CMAS: variants seen among roughly 807,000 people sequenced by gnomAD.
CMAS encodes the protein N-acylneuraminate cytidylyltransferase.
CMAS carries 21 observed loss-of-function variants against 53.4 expected under a neutral mutation model. The ratio of observed to expected loss-of-function variants is 0.39; its 90% confidence interval spans 0.28 to 0.57. CMAS has a LOEUF of 0.57. Ranked by LOEUF, CMAS falls within the 20% of genes least tolerant of loss-of-function variation. The pLI is 0.56. For missense variants in CMAS, 384 were observed against 534.9 expected (o/e 0.72, Z 2.78); for synonymous variants, 189 against 195.2 (o/e 0.97, Z 0.27).
chr12:22,060,916 A>AGAG lies in CMAS; in HGVS notation c.779_781dup (p.Arg260_Val261insGly), dbSNP rs1950305150. The AGAG allele has an allele frequency of 6.3e-7, 1 of 1,583,748 alleles. No homozygotes were observed. Among genetic ancestry groups the AGAG allele is most frequent in the Non-Finnish European group, 8.7e-7 (1 of 1,153,084 alleles). ...TATTGATTGGCCTATTGCAGAGCAA[A>AGAG]GAGTATTAAGGTAAAAACAAATAAA... On this transcript the variant is annotated inframe_insertion, in exon 5 of 8. Transcript: ENST00000229329.
At chr12:22,061,659 T>G (rs976498245) in intron 6 of CMAS, among the ~76,000 whole-genome samples, 3 of 152,310 alleles carry the variant, frequency 2.0e-5, no homozygotes, top group Non-Finnish European at 4.4e-5. Context: ...ATTTCTTGTT[T>G]ATTCAGTAAA....
At chr12:22,061,979 T>TA (rs1025946289) in intron 6 of CMAS, among the ~76,000 whole-genome samples, 209 of 152,256 alleles carry the variant, frequency 1.4e-3, no homozygotes, top group African/African-American at 4.6e-3. Flanking sequence ...AGGAGAATCT[T>TA]AGAGTAGTAT....
At chr12:22,061,635 A>AATC (rs1950309005) in intron 6 of CMAS, among the ~76,000 whole-genome samples, 183 bp downstream of exon 6, 1 of 152,182 alleles carries the variant, frequency 6.6e-6, no homozygotes, top group African/African-American at 2.4e-5. Context: ...GGAATTTGTT[A>AATC]ATCAGCAAAT....
At chr12:22,053,988 G>A (rs540743398) in intron 1 of CMAS, among the ~76,000 whole-genome samples, 13 of 149,304 alleles carry the variant, frequency 8.7e-5, no homozygotes, top group East Asian at 8.4e-4. Flanking sequence ...GTGCAGTGGC[G>A]CGATCTCGGC....
chr12:22,046,783 T>G (rs1293305399), intron 1 of CMAS, among the ~76,000 whole-genome samples: 2 of 152,204 alleles, frequency 1.3e-5, no homozygotes, highest in East Asian at 1.9e-4. Context: ...GGTCATAACC[T>G]GGGACAGTTC....
In CMAS at chr12:22,055,515, A is replaced by G; in HGVS notation, c.464A>G (p.Gln155Arg). 10 of 1,612,538 alleles carry G rather than the reference A, an allele frequency of 6.2e-6. No individual in the cohort carries two copies. Among genetic ancestry groups the G allele is most frequent in the Non-Finnish European group, 8.5e-6 (10 of 1,179,562 alleles). ...CCATGTTTACATCCTACTGATCTTCAAAAAGTTGCAGAAATGATTCGAGAA... is the reference window on the plus strand; with the variant it reads ...CCATGTTTACATCCTACTGATCTTCGAAAAGTTGCAGAAATGATTCGAGAA... ...TSPCLHPTDLQKVAEMIREEG... is the reference protein window; with the variant it reads ...TSPCLHPTDLRKVAEMIREEG... The change falls in exon 3 of 8, where the codon CAA becomes CGA. Residue 155 changes from glutamine to arginine, a missense_variant. Gln to Arg is a conservative substitution (Grantham distance 43). Transcript: ENST00000229329.
chr12:22,056,864 A>G (rs1950271608), intron 3 of CMAS, among the ~76,000 whole-genome samples: 1 of 152,116 alleles, frequency 6.6e-6, no homozygotes, highest in Non-Finnish European at 1.5e-5. Context: ...TACTCAGCAG[A>G]TATGACCAGG....
At position 22,058,704 on chromosome 12, in the gene CMAS, T is replaced by C; in HGVS notation, c.693+4T>C. The C allele has an allele frequency of 1.2e-6, 2 of 1,612,414 alleles. No homozygotes were observed. The highest frequency in any genetic ancestry group is 1.7e-6 in the Non-Finnish European group (2 of 1,179,306). ...GATAGAGATGGGTTACTTGCAGGTT[T>C]GTACCTTCATTTTGCATAACCCTTT... On this transcript the variant is annotated splice_donor_region_variant and intron_variant, in intron 4 of 7. Transcript: ENST00000229329.
intron 3 of CMAS, among the ~76,000 whole-genome samples, chr12:22,056,233 A>G (rs549918650): frequency 1.3e-4 from 20 of 152,284 alleles, no homozygotes; most frequent in African/African-American, 4.8e-4. Flanking sequence ...CTAATTTAAC[A>G]TATTTTTGAT....
intron 1 of CMAS, among the ~76,000 whole-genome samples, chr12:22,048,411 T>G (rs1166821842): frequency 6.6e-6 from 1 of 152,120 alleles, no homozygotes; most frequent in African/African-American, 2.4e-5. Flanking sequence ...AATGACTTGC[T>G]CCAAACCTCT....
rs560630990 is a variant in CMAS, at chr12:22,054,636, A to G, written c.261-513A>G. Among the ~76,000 whole-genome samples the G allele has an allele frequency of 4.9e-4, 74 of 150,378 alleles. 1 individual carries two copies. Among genetic ancestry groups the G allele is most frequent in the African/African-American group, 1.8e-3 (72 of 41,034 alleles). On this transcript the variant is annotated intron_variant, in intron 1 of 7. Transcript: ENST00000229329. ...CCAAGTCCATTTTTTTTTTTTTAGC[A>G]AGCATATTAAAATATTTTATACAAT... is the stretch of plus-strand genomic sequence containing the variant.
At chr12:22,061,753 T>C (rs984680967) in intron 6 of CMAS, among the ~76,000 whole-genome samples, 6 of 152,292 alleles carry the variant, frequency 3.9e-5, no homozygotes, top group African/African-American at 1.4e-4. Context: ...AGATAATAGG[T>C]GTACCATTTT....
chr12:22,046,265 C>T lies in CMAS; in HGVS notation c.-39C>T. On this transcript the variant is annotated 5_prime_UTR_variant, in exon 1 of 8. Transcript: ENST00000229329. ...AGCTGAGGTGGTGAGGGACTAGCTC[C>T]CGGATGTGGAGAAGCTGGGGAGAAG... is the stretch of plus-strand genomic sequence containing the variant. The T allele has an allele frequency of 7.1e-7, 1 of 1,413,162 alleles. No individual in the cohort carries two copies. Among genetic ancestry groups the T allele is most frequent in the Non-Finnish European group, 9.3e-7 (1 of 1,080,724 alleles). 87.5% of individuals were successfully genotyped at this position (1,413,162 alleles called of 1,614,324 possible).
intron 3 of CMAS, 138 bp downstream of exon 3, chr12:22,055,748 G>A: frequency 1.5e-6 from 1 of 685,636 alleles, no homozygotes; most frequent in Non-Finnish European, 2.4e-6. Context: ...AGTAGGTAAT[G>A]ACATTTACAA....
intron 4 of CMAS, among the ~76,000 whole-genome samples, chr12:22,060,333 T>TAAAAAAAAAAAA (rs58755366): frequency 0.037 from 1,988 of 54,108 alleles, 257 homozygotes; most frequent in Non-Finnish European, 0.045. Context: ...GCTTTCTCCT[T>TAAAAAAAAAAAA]AAAAAAAAAA....
intron 6 of CMAS, among the ~76,000 whole-genome samples, chr12:22,061,707 G>A (rs1950309310): frequency 6.6e-6 from 1 of 152,082 alleles, no homozygotes; most frequent in African/African-American, 2.4e-5. Flanking sequence ...GCTATCTAAT[G>A]TTTCCCAAAG....
chr12:22,058,163 A>C (rs1339563624), intron 3 of CMAS, among the ~76,000 whole-genome samples: 1 of 150,804 alleles, frequency 6.6e-6, no homozygotes, highest in Non-Finnish European at 1.5e-5. Context: ...GCAGTGCCTC[A>C]TGCCTGTAAT....
chr12:22,052,489 G>A (rs1000169303), intron 1 of CMAS, among the ~76,000 whole-genome samples: 5 of 152,100 alleles, frequency 3.3e-5, no homozygotes, highest in Non-Finnish European at 7.4e-5. Context: ...TTTCATTGCA[G>A]TAAAAATCAG....
At chr12:22,052,758 G>A (rs1371740432) in intron 1 of CMAS, among the ~76,000 whole-genome samples, 1 of 152,136 alleles carries the variant, frequency 6.6e-6, no homozygotes, top group Non-Finnish European at 1.5e-5. Flanking sequence ...GGGGGCTCCT[G>A]CGTTCGCCCT....
Sources: allele counts gnomAD v4.1 joint callset (sites outside exome capture counted in the v4.1 genomes callset), GRCh38; gene constraint gnomAD v4.1.1; transcripts MANE v1.5; gene names NCBI Gene and HGNC (gene_info 2026-07-23, HGNC 2026-07-21).